SPPL2B: variants seen among roughly 807,000 people sequenced by gnomAD.
SPPL2B encodes the protein signal peptide peptidase like 2B.
A neutral mutation model predicts 59.7 loss-of-function variants in SPPL2B; 39 were observed. The ratio of observed to expected loss-of-function variants is 0.65; its 90% confidence interval spans 0.51 to 0.85. The LOEUF is 0.85. Ranked by LOEUF, SPPL2B falls within the 40% of genes least tolerant of loss-of-function variation. The pLI, the probability that SPPL2B is intolerant of heterozygous loss-of-function variation, is 0.00. For synonymous variants in SPPL2B, 419 were observed against 370.8 expected (o/e 1.13, Z -1.49); for missense variants, 865 against 849.0 (o/e 1.02, Z -0.23).
chr19:2,340,816 C>T (rs546819492), intron 7 of SPPL2B, 82 bp from the exon 8 acceptor site: 1 of 787,540 alleles, frequency 1.3e-6, no homozygotes, highest in East Asian at 2.6e-5. Flanking sequence ...CAGGGGGTGC[C>T]TGGGCCGGTC....
chr19:2,331,086 C>A (rs1459228972), intron 1 of SPPL2B, among the ~76,000 whole-genome samples: 1 of 152,140 alleles, frequency 6.6e-6, no homozygotes, highest in East Asian at 1.9e-4. Flanking sequence ...GCAAGGAAGT[C>A]GACCTCCCCA....
intron 2 of SPPL2B, among the ~76,000 whole-genome samples, chr19:2,336,925 A>G (rs1968674769): frequency 1.5e-5 from 2 of 136,772 alleles, no homozygotes; most frequent in African/African-American, 5.6e-5. Flanking sequence ...GCATGTATGC[A>G]TGTGTGTGCC....
chr19:2,343,132 C>A, intron 8 of SPPL2B, 79 bp from the exon 9 acceptor site: 1 of 1,145,430 alleles, frequency 8.7e-7, no homozygotes, highest in Non-Finnish European at 1.3e-6. Flanking sequence ...GAGCAAGGGC[C>A]CTGTGTGGCT....
intron 7 of SPPL2B, 79 bp downstream of exon 7, chr19:2,340,251 C>A (rs1968947700): frequency 2.6e-6 from 3 of 1,137,632 alleles, no homozygotes; most frequent in Non-Finnish European, 3.7e-6. Flanking sequence ...CCATAGCCCC[C>A]CATGGTGCAA....
At chr19:2,330,941 C>T (rs1968253597) in intron 1 of SPPL2B, among the ~76,000 whole-genome samples, 1 of 152,120 alleles carries the variant, frequency 6.6e-6, no homozygotes. Flanking sequence ...AGACGCCTGT[C>T]CCTGGAGGGG....
At chr19:2,343,887 A>G in intron 9 of SPPL2B, 78 bp from the exon 10 acceptor site, 1 of 1,112,566 alleles carries the variant, frequency 9.0e-7, no homozygotes, top group East Asian at 2.6e-5. Context: ...TCCCAGGAGG[A>G]GGCGCTGGGC....
chr19:2,346,084 A>C (rs984665916), intron 13 of SPPL2B, among the ~76,000 whole-genome samples: 1 of 152,166 alleles, frequency 6.6e-6, no homozygotes, highest in South Asian at 2.1e-4. Flanking sequence ...GTATTTACGC[A>C]AAGTGCTGTT....
intron 7 of SPPL2B, among the ~76,000 whole-genome samples, 186 bp downstream of exon 7, chr19:2,340,358 C>T (rs1968955050): frequency 6.6e-6 from 1 of 152,114 alleles, no homozygotes; most frequent in South Asian, 2.1e-4. Context: ...TCAATGGAGC[C>T]CACCAGCAGC....
At chr19:2,346,848 G>A (rs1010512580) in intron 13 of SPPL2B, among the ~76,000 whole-genome samples, 8 of 152,160 alleles carry the variant, frequency 5.3e-5, no homozygotes, top group African/African-American at 9.7e-5. Context: ...TGATGGACAC[G>A]TGGATGGCCT....
chr19:2,340,662 G>C (rs374687808), intron 7 of SPPL2B: 1 of 577,174 alleles, frequency 1.7e-6, no homozygotes, highest in Non-Finnish European at 3.1e-6. Flanking sequence ...GGGGCGCAGC[G>C]CAGGCGAGGG....
rs549732962 is a variant in SPPL2B, at chr19:2,352,932, C to G, written c.1516-14C>G. The G allele has an allele frequency of 1.7e-5, 28 of 1,612,004 alleles. 1 individual carries two copies. In the South Asian group the frequency reaches 3.0e-4, roughly 17 times the overall value. On this transcript the variant is annotated splice_polypyrimidine_tract_variant and intron_variant, in intron 14 of 14. Transcript: ENST00000613503. ...CCCTGTCTCCGCCTCACCTCTGCCT[C>G]CCTTCTCCTGTAGAAAGTCCTACCT... is the stretch of plus-strand genomic sequence containing the variant.
In SPPL2B at chr19:2,353,256, G is replaced by A; in HGVS notation, c.*47G>A. 1 of 1,556,966 alleles carries A rather than the reference G, an allele frequency of 6.4e-7. No individual in the cohort carries two copies. Among genetic ancestry groups the A allele is most frequent in the Non-Finnish European group, 8.6e-7 (1 of 1,162,320 alleles). On this transcript the variant is annotated 3_prime_UTR_variant, in exon 15 of 15. Coordinates refer to ENST00000613503, the MANE Select transcript of SPPL2B (RefSeq NM_152988.3). ...GCCGTGCCCGCCACACCAAGATGTTGGGGCTGCCTGGCGCCCACTGGAGAC... is the reference window on the plus strand; with the variant it reads ...GCCGTGCCCGCCACACCAAGATGTTAGGGCTGCCTGGCGCCCACTGGAGAC...
At chr19:2,339,612 A>G (rs1273664295) in intron 5 of SPPL2B, 11 of 620,454 alleles carry the variant, frequency 1.8e-5, no homozygotes, top group Non-Finnish European at 2.8e-5. Context: ...TGGCCACCCC[A>G]GCTCAACCCA....
rs1970020233 is a variant in SPPL2B at position 2,353,066 on chromosome 19, C to T, written c.1636C>T (p.Pro546Ser). 1 of 1,611,894 alleles carries T rather than the reference C, an allele frequency of 6.2e-7. No individual in the cohort carries two copies. The highest frequency in any genetic ancestry group is 1.3e-5 in the African/African-American group (1 of 74,932). The change falls in exon 15 of 15, where the codon CCT becomes TCT. Residue 546 changes from proline (P) to serine (S), a missense_variant. Coordinates refer to ENST00000613503, the MANE Select transcript of SPPL2B (RefSeq NM_152988.3). ...PSEEPATSPW[P>S]AEQSPKSRTS... The stretch of plus-strand genomic sequence containing the variant: ...CGAAGAACCAGCCACATCCCCCTGG[C>T]CTGCTGAGCAGTCCCCAAAATCACG...
At chr19:2,343,046 G>T (rs1969149096) in intron 8 of SPPL2B, 165 bp from the exon 9 acceptor site, 2 of 623,972 alleles carry the variant, frequency 3.2e-6, no homozygotes, top group East Asian at 2.8e-5. Context: ...AACAGCAGGG[G>T]TCCTCCCACA....
chr19:2,330,497 T>A (rs1240325508), intron 1 of SPPL2B: 1 of 152,332 alleles, frequency 6.6e-6, no homozygotes, highest in Non-Finnish European at 1.5e-5. Context: ...AGAAGCAGCA[T>A]AAGCGGGGGC....
intron 2 of SPPL2B, among the ~76,000 whole-genome samples, chr19:2,336,849 G>A (rs917511118): frequency 1.3e-5 from 2 of 150,542 alleles, no homozygotes; most frequent in African/African-American, 4.9e-5. Context: ...GTGTGTGTGT[G>A]CACTCCAGCC....
At chr19:2,335,251 T>G (rs4807230) in intron 2 of SPPL2B, among the ~76,000 whole-genome samples, 2 of 128,922 alleles carry the variant, frequency 1.6e-5, no homozygotes, top group South Asian at 5.6e-4. Flanking sequence ...CCTTTCCCAC[T>G]GCATCCTTCA....
At chr19:2,338,688 A>G (rs1968801205) in intron 3 of SPPL2B, 64 bp from the exon 4 acceptor site, 15 of 1,174,180 alleles carry the variant, frequency 1.3e-5, no homozygotes, top group Admixed American at 1.8e-5. Context: ...GCGAATGGGC[A>G]CAGAGCTGGG....
Sources: gnomAD v4.1 joint callset for allele counts (sites outside exome capture counted in the v4.1 genomes callset) on GRCh38, gnomAD v4.1.1 for gene constraint, MANE v1.5 for transcripts, NCBI Gene and HGNC (gene_info 2026-07-23, HGNC 2026-07-21) for gene names.